OSBPL1A: variants seen among roughly 807,000 people sequenced by gnomAD.
The protein encoded by OSBPL1A is oxysterol-binding protein-related protein 1.
In OSBPL1A, 80 loss-of-function variants were observed where a neutral mutation model predicts 137.1. The observed-to-expected ratio is 0.58, with a 90% CI of 0.49 to 0.70. The LOEUF is 0.70. Ranked by LOEUF, OSBPL1A falls within the 30% of genes least tolerant of loss-of-function variation. The pLI is 0.00. For synonymous variants in OSBPL1A, 365 were observed against 389.7 expected, an observed-to-expected ratio of 0.94 and a Z score of 0.75; for missense variants, 970 against 1,129.4, an observed-to-expected ratio of 0.86 and a Z score of 2.02.
intron 15 of OSBPL1A, among the ~76,000 whole-genome samples, 186 bp from the exon 16 acceptor site, chr18:24,239,568 C>T (rs148111257): frequency 1.1e-3 from 161 of 152,208 alleles, no homozygotes; most frequent in African/African-American, 3.7e-3. Flanking sequence ...TCCCATGGGG[C>T]CTTTTCTGGC....
chr18:24,299,366 C>A (rs1484916026), intron 14 of OSBPL1A, among the ~76,000 whole-genome samples: 2 of 151,980 alleles, frequency 1.3e-5, no homozygotes, highest in African/African-American at 4.8e-5. Flanking sequence ...TATTTTGGTA[C>A]ATATTGAGCT....
chr18:24,304,081 T>TA (rs2090455804), intron 13 of OSBPL1A, among the ~76,000 whole-genome samples: 1 of 152,142 alleles, frequency 6.6e-6, no homozygotes, highest in Admixed American at 6.5e-5. Flanking sequence ...CAAGAAATTA[T>TA]AAAATGCATT....
chr18:24,309,634 C>T (rs898603871), intron 13 of OSBPL1A, among the ~76,000 whole-genome samples: 1 of 152,144 alleles, frequency 6.6e-6, no homozygotes. Context: ...CTTAAAAACT[C>T]AAGAATGAAG....
intron 15 of OSBPL1A, among the ~76,000 whole-genome samples, chr18:24,239,974 G>T (rs1456004962): frequency 1.1e-4 from 14 of 131,090 alleles, no homozygotes; most frequent in African/African-American, 3.8e-4. Context: ...CGCCTAAGCT[G>T]GAGTGCAGTG....
At chr18:24,235,831 A>C (rs958845338) in intron 16 of OSBPL1A, among the ~76,000 whole-genome samples, 3 of 152,242 alleles carry the variant, frequency 2.0e-5, no homozygotes, top group African/African-American at 7.2e-5. Flanking sequence ...TTTCATTAAT[A>C]AAAGGGACTT....
In OSBPL1A at chr18:24,377,454, G is replaced by C; in HGVS notation, c.80C>G (p.Thr27Ser). Residue 27 changes from threonine (T) to serine (S), a missense_variant, in exon 2 of 28, where the codon ACC becomes AGC. Coordinates refer to ENST00000319481, the MANE Select transcript of OSBPL1A (RefSeq NM_080597.4). The part of the protein sequence containing the change: ...NAEEVRQLLE[T>S]MARNEVIADI... ...AGCAATCACTTCATTCCTCGCCATG[G>C]TCTCTAATAGTTGTCTTACTTCTTC... 1 of 1,611,470 alleles carries C rather than the reference G, an allele frequency of 6.2e-7. No individual in the cohort carries two copies. Among genetic ancestry groups the C allele is most frequent in the Non-Finnish European group, 8.5e-7 (1 of 1,179,468 alleles).
chr18:24,357,510 G>A (rs2091557246), intron 4 of OSBPL1A: 1 of 152,144 alleles, frequency 6.6e-6, no homozygotes, highest in Admixed American at 6.6e-5. Context: ...AGCAAAATAT[G>A]GGGGAGGCAT....
At chr18:24,368,072 TA>T (rs1295086324) in intron 3 of OSBPL1A, 3 of 348,874 alleles carry the variant, frequency 8.6e-6, no homozygotes, top group Non-Finnish European at 1.6e-5. Context: ...AAGCTAGTAA[TA>T]AAAAAATCTA....
intron 21 of OSBPL1A, among the ~76,000 whole-genome samples, chr18:24,176,804 G>A (rs2086460045): frequency 6.6e-6 from 1 of 152,134 alleles, no homozygotes; most frequent in Non-Finnish European, 1.5e-5. Flanking sequence ...AGATCCTGAG[G>A]CCCTTGTGTA....
At position 24,306,909 on chromosome 18, in the gene OSBPL1A, C is replaced by T. The variant is rs78547173; in HGVS notation, c.1093-3191G>A. On this transcript the variant is annotated intron_variant, in intron 13 of 27. Coordinates refer to ENST00000319481, the MANE Select transcript of OSBPL1A (RefSeq NM_080597.4). The stretch of plus-strand genomic sequence containing the variant: ...TGGCCGCTATTACAAGCAGTGGTGC[C>T]GTAGCACTTATCTCTAAGTCTTCCT... Among the ~76,000 whole-genome samples, 229 of 152,056 alleles carry T rather than the reference C, an allele frequency of 1.5e-3. 3 individuals are homozygous for T. The East Asian group carries it at 0.033, about 22-fold the overall frequency.
intron 15 of OSBPL1A, among the ~76,000 whole-genome samples, chr18:24,250,416 TCCACCCG>T (rs1182136498): frequency 1.3e-5 from 2 of 152,162 alleles, no homozygotes; most frequent in Admixed American, 1.3e-4. Context: ...CCTCATGTGA[TCCACCCG>T]CCTCAGCCTC....
At chr18:24,270,885 A>C (rs1249466337) in intron 15 of OSBPL1A, among the ~76,000 whole-genome samples, 1 of 152,150 alleles carries the variant, frequency 6.6e-6, no homozygotes, top group Non-Finnish European at 1.5e-5. Context: ...AATAGCCTTA[A>C]TAACTCAGAA....
intron 2 of OSBPL1A, among the ~76,000 whole-genome samples, chr18:24,375,857 T>C (rs947414849): frequency 3.9e-5 from 6 of 152,118 alleles, no homozygotes; most frequent in African/African-American, 7.2e-5. Context: ...GTATCTGGAA[T>C]TGGTGGGTTC....
intron 15 of OSBPL1A, among the ~76,000 whole-genome samples, chr18:24,277,296 A>AG (rs1180034321): frequency 6.6e-6 from 1 of 152,038 alleles, no homozygotes; most frequent in Non-Finnish European, 1.5e-5. Flanking sequence ...TAAAAAAAAA[A>AG]GAAAAGAAAT....
intron 19 of OSBPL1A, among the ~76,000 whole-genome samples, chr18:24,180,825 C>T (rs113633790): frequency 4.6e-5 from 7 of 152,174 alleles, no homozygotes; most frequent in East Asian, 1.9e-4. Flanking sequence ...TGCCGTGAGC[C>T]GAGATTGCAC....
chr18:24,181,271 G>A lies in OSBPL1A; in HGVS notation c.1686C>T (p.Ser562=). The change falls in exon 19 of 28, where the codon TCC becomes TCT. Residue 562 remains serine (S), a synonymous_variant. Transcript: ENST00000319481. ...ILRKCIGMEL[S]KITMPVIFNE... Reference sequence around the variant, plus strand: ...TAAATATAACTGGCATCGTGATCTTGGATAGTTCCTATTTAACCAGAAAAT... The same window carrying A: ...TAAATATAACTGGCATCGTGATCTTAGATAGTTCCTATTTAACCAGAAAAT... 1 of 1,613,896 alleles carries A rather than the reference G, an allele frequency of 6.2e-7. No homozygotes were observed. Among genetic ancestry groups the A allele is most frequent in the Admixed American group, 1.7e-5 (1 of 59,990 alleles).
intron 14 of OSBPL1A, among the ~76,000 whole-genome samples, chr18:24,282,697 C>T (rs1030887045): frequency 2.0e-5 from 3 of 152,112 alleles, no homozygotes; most frequent in Admixed American, 6.5e-5. Flanking sequence ...GTTAATTAGA[C>T]GTTAAGATCC....
intron 18 of OSBPL1A, among the ~76,000 whole-genome samples, chr18:24,186,668 A>G (rs2086754184): frequency 6.6e-6 from 1 of 151,948 alleles, no homozygotes; most frequent in Admixed American, 6.6e-5. Context: ...CACTTTGGGA[A>G]GACAAGGTGG....
In OSBPL1A at chr18:24,366,983, C is replaced by G. The variant is rs561248297; in HGVS notation, c.208-17G>C. ...TGCACCAGCCTAGTAAACATGACCA[C>G]TTTAAATACCAAGAAATATACAATG... On this transcript the variant is annotated splice_polypyrimidine_tract_variant and intron_variant, in intron 3 of 27. Transcript: ENST00000319481. 5 of 1,587,452 alleles carry G rather than the reference C, an allele frequency of 3.1e-6. No homozygotes were observed. The South Asian group carries it at 3.5e-5, about 11-fold the overall frequency.
Sources: gnomAD v4.1 joint callset for allele counts (sites outside exome capture counted in the v4.1 genomes callset) on GRCh38, gnomAD v4.1.1 for gene constraint, MANE v1.5 for transcripts, NCBI Gene and HGNC (gene_info 2026-07-23, HGNC 2026-07-21) for gene names.